The following CHLSN variants were observed in gnomAD, a reference collection of about 807,000 sequenced individuals.
The protein encoded by CHLSN is cholesin.
chr7:1,119,547 G>T, the CHLSN span, among the ~76,000 whole-genome samples: 4 of 152,114 alleles, frequency 2.6e-5, no homozygotes, highest in Non-Finnish European at 5.9e-5. Context: ...GAATCAGAAG[G>T]TCACATATCA....
At chr7:1,126,359 CAAA>C in the CHLSN span, among the ~76,000 whole-genome samples, 1 of 40,490 alleles carries the variant, frequency 2.5e-5, no homozygotes, top group African/African-American at 8.1e-5. Flanking sequence ...GACTCTGTCT[CAAA>C]AAAAAAAAAA....
At chr7:1,001,641 T>C in the CHLSN span, among the ~76,000 whole-genome samples, 2 of 58,820 alleles carry the variant, frequency 3.4e-5, no homozygotes, top group African/African-American at 1.4e-4. Flanking sequence ...GGGTGGGGAG[T>C]CCTGTGGGTG....
At chr7:1,055,683 C>A in the CHLSN span, among the ~76,000 whole-genome samples, 1 of 152,170 alleles carries the variant, frequency 6.6e-6, no homozygotes, top group Non-Finnish European at 1.5e-5. Flanking sequence ...GGGTCCCGGC[C>A]CTTGGCAAGC....
At chr7:1,028,982 G>A in the CHLSN span, 1 of 203,658 alleles carries the variant, frequency 4.9e-6, no homozygotes, top group South Asian at 1.7e-4. Context: ...TGGCATCCAC[G>A]TGTCCAGCAA....
At chr7:1,011,160 C>G in the CHLSN span, among the ~76,000 whole-genome samples, 31 of 149,764 alleles carry the variant, frequency 2.1e-4, no homozygotes, top group Admixed American at 2.0e-4. Context: ...GACCCACACC[C>G]ACCCACACCC....
the CHLSN span, among the ~76,000 whole-genome samples, chr7:1,057,042 G>A: frequency 2.6e-5 from 4 of 152,224 alleles, no homozygotes; most frequent in East Asian, 5.8e-4. Context: ...ACCGGGTCCT[G>A]AGCTGCCGGG....
chr7:1,013,931 C>T, the CHLSN span, among the ~76,000 whole-genome samples: 5 of 152,220 alleles, frequency 3.3e-5, no homozygotes, highest in African/African-American at 7.2e-5. Context: ...ATGCATAAAA[C>T]AATTCAATGT....
At chr7:1,063,640 G>A in the CHLSN span, among the ~76,000 whole-genome samples, 1 of 152,248 alleles carries the variant, frequency 6.6e-6, no homozygotes. Context: ...CACCAAGTGT[G>A]GTCTCACGTC....
chr7:1,068,543 T>A, the CHLSN span, among the ~76,000 whole-genome samples: 1 of 152,116 alleles, frequency 6.6e-6, no homozygotes, highest in Non-Finnish European at 1.5e-5. Context: ...AGTGGTCCAC[T>A]TCCAAGACAC....
chr7:1,070,902 AT>A, the CHLSN span, among the ~76,000 whole-genome samples: 1 of 144,194 alleles, frequency 6.9e-6, no homozygotes, highest in Admixed American at 6.8e-5. Flanking sequence ...GTGCACACAC[AT>A]GCACGCACAC....
the CHLSN span, among the ~76,000 whole-genome samples, chr7:1,064,860 G>C: frequency 2.0e-5 from 3 of 152,238 alleles, no homozygotes; most frequent in Non-Finnish European, 2.9e-5. Context: ...CCACACTCAG[G>C]GCGCACAGAA....
the CHLSN span, among the ~76,000 whole-genome samples, chr7:1,050,603 G>A: frequency 6.6e-6 from 1 of 152,246 alleles, no homozygotes. Flanking sequence ...ACGCGGGAGA[G>A]CCTGCAAGGA....
chr7:1,080,513 C>T, the CHLSN span, among the ~76,000 whole-genome samples: 583 of 152,318 alleles, frequency 3.8e-3, 16 homozygotes, highest in Non-Finnish European at 2.5e-3. Flanking sequence ...GCCGCACGGC[C>T]GCCAGGTTGG....
At chr7:1,009,043 ACACACGTACACGTGCACGTG>A in the CHLSN span, among the ~76,000 whole-genome samples, 2 of 151,766 alleles carry the variant, frequency 1.3e-5, no homozygotes, top group East Asian at 1.9e-4. Context: ...ACACACATGC[ACACACGTACACGTGCACGTG>A]CACGCAGCGT....
chr7:1,007,553 C>A, the CHLSN span, among the ~76,000 whole-genome samples: 4 of 152,094 alleles, frequency 2.6e-5, no homozygotes, highest in African/African-American at 9.7e-5. Context: ...GCTGGGCTTG[C>A]GGGCACCCTT....
the CHLSN span, chr7:1,021,373 G>A: frequency 1.0e-6 from 1 of 985,376 alleles, no homozygotes; most frequent in Non-Finnish European, 1.2e-6. Flanking sequence ...TGACAGAGAT[G>A]ATATTGCGGA....
the CHLSN span, among the ~76,000 whole-genome samples, chr7:1,041,411 C>CGGGACCTGGGGTCCGCGCTGCGGGGAAT: frequency 8.9e-6 from 1 of 112,002 alleles, no homozygotes; most frequent in Non-Finnish European, 1.9e-5. Context: ...CTGCGGGGAA[C>CGGGACCTGGGGTCCGCGCTGCGGGGAAT]GGGACCTGGG....
At chr7:987,016 C>A in the CHLSN span, 8 of 1,411,238 alleles carry the variant, frequency 5.7e-6, no homozygotes, top group African/African-American at 5.8e-5. Context: ...ATCACCGGGG[C>A]ATCCATAGTG....
chr7:1,062,186 A>AAAGGGAGTTTAGTTGTAGATTCAAG, the CHLSN span, among the ~76,000 whole-genome samples: 1 of 152,182 alleles, frequency 6.6e-6, no homozygotes, highest in Non-Finnish European at 1.5e-5. Context: ...AAGATTCCAG[A>AAAGGGAGTTTAGTTGTAGATTCAAG]AAGGGAGTTT....
Sources: gnomAD v4.1 joint callset for allele counts (sites outside exome capture counted in the v4.1 genomes callset) on GRCh38, gnomAD v4.1.1 for gene constraint, MANE v1.5 for transcripts, NCBI Gene and HGNC (gene_info 2026-07-23, HGNC 2026-07-21) for gene names.